Variants in TRHDE observed in about 807,000 individuals in gnomAD.
TRHDE encodes the protein thyrotropin-releasing hormone-degrading ectoenzyme.
Under a neutral mutation model 125.7 loss-of-function variants are expected in TRHDE, and 72 were observed. That is an observed-to-expected ratio of 0.57 (90% CI 0.47 to 0.70). TRHDE has a LOEUF of 0.70. TRHDE is among the 30% of genes least tolerant of loss of function. TRHDE has a pLI of 0.00. For missense variants in TRHDE, 1,110 were observed against 1,327.1 expected (o/e 0.84, Z 2.54); for synonymous variants, 509 against 509.1 (o/e 1.00, Z 0.00).
chr12:72,580,952 G>T (rs1871197463), intron 12 of TRHDE, among the ~76,000 whole-genome samples: 1 of 152,162 alleles, frequency 6.6e-6, no homozygotes, highest in Admixed American at 6.5e-5. Flanking sequence ...GGCCTAGGAA[G>T]ATTATGGAAA....
intron 15 of TRHDE, among the ~76,000 whole-genome samples, chr12:72,639,698 G>A (rs1592590236): frequency 6.6e-6 from 1 of 152,038 alleles, no homozygotes; most frequent in East Asian, 1.9e-4. Context: ...TGTCCTTTCT[G>A]TTTGTTAGTT....
At chr12:72,509,534 T>C (rs536438455) in intron 6 of TRHDE, among the ~76,000 whole-genome samples, 4 of 152,220 alleles carry the variant, frequency 2.6e-5, no homozygotes, top group African/African-American at 9.6e-5. Flanking sequence ...GTAGGAAAAA[T>C]GTTACTCCAC....
At chr12:72,628,564 G>T (rs1238815075) in intron 15 of TRHDE, among the ~76,000 whole-genome samples, 1 of 151,766 alleles carries the variant, frequency 6.6e-6, no homozygotes, top group Non-Finnish European at 1.5e-5. Context: ...GCTGAGAGGA[G>T]CAAAAATCCC....
intron 2 of TRHDE, among the ~76,000 whole-genome samples, chr12:72,342,600 A>G (rs1389872115): frequency 1.3e-5 from 2 of 152,166 alleles, no homozygotes; most frequent in African/African-American, 4.8e-5. Context: ...CAATGAATAA[A>G]GAGAAAAACA....
At chr12:72,601,487 G>T (rs1248631237) in intron 12 of TRHDE, among the ~76,000 whole-genome samples, 1 of 152,122 alleles carries the variant, frequency 6.6e-6, no homozygotes, top group Non-Finnish European at 1.5e-5. Context: ...AGTATGGTTT[G>T]AGAGGATTAA....
intron 10 of TRHDE, among the ~76,000 whole-genome samples, chr12:72,570,613 A>G (rs922219298): frequency 2.1e-5 from 3 of 145,618 alleles, no homozygotes; most frequent in African/African-American, 7.9e-5. Flanking sequence ...AAAGAGTAGT[A>G]TACCAGCTTT....
At chr12:72,553,808 GTCTCC>G (rs1869789297) in intron 7 of TRHDE, among the ~76,000 whole-genome samples, 1 of 135,618 alleles carries the variant, frequency 7.4e-6, no homozygotes, top group African/African-American at 2.8e-5. Flanking sequence ...CTTTCCTTTC[GTCTCC>G]TCTCCTCTCC....
At chr12:72,092,335 A>T (rs1359402556) in intron 1 of TRHDE, among the ~76,000 whole-genome samples, 1 of 152,228 alleles carries the variant, frequency 6.6e-6, no homozygotes, top group Non-Finnish European at 1.5e-5. Context: ...AGAAAGTCAC[A>T]TTATCAAAAC....
At chr12:72,371,152 G>T (rs1237679412) in intron 2 of TRHDE, among the ~76,000 whole-genome samples, 1 of 151,910 alleles carries the variant, frequency 6.6e-6, no homozygotes, top group Non-Finnish European at 1.5e-5. Flanking sequence ...CCTTAGTCTG[G>T]GATATCATCC....
chr12:72,304,141 C>T (rs779375986), intron 2 of TRHDE, among the ~76,000 whole-genome samples: 24 of 152,220 alleles, frequency 1.6e-4, no homozygotes, highest in South Asian at 4.1e-4. Context: ...AGACTAATTA[C>T]GCTCCCTTAA....
At chr12:72,489,374 T>G (rs1475174245) in intron 5 of TRHDE, among the ~76,000 whole-genome samples, 1 of 151,864 alleles carries the variant, frequency 6.6e-6, no homozygotes, top group Non-Finnish European at 1.5e-5. Context: ...ATAAATCACA[T>G]GCTCATGGAT....
chr12:72,456,609 T>C (rs929382880), intron 3 of TRHDE, among the ~76,000 whole-genome samples: 1 of 152,106 alleles, frequency 6.6e-6, no homozygotes, highest in African/African-American at 2.4e-5. Flanking sequence ...TTAACTGTGG[T>C]GGTAGGAAAA....
intron 3 of TRHDE, among the ~76,000 whole-genome samples, chr12:72,416,343 C>T (rs200537719): frequency 4.3e-4 from 66 of 151,946 alleles, no homozygotes; most frequent in Middle Eastern, 3.4e-3. Context: ...CCATTCTGTG[C>T]GTTGTCTCTT....
At chr12:72,526,320 A>C (rs1210981258) in intron 6 of TRHDE, among the ~76,000 whole-genome samples, 1 of 152,090 alleles carries the variant, frequency 6.6e-6, no homozygotes, top group Non-Finnish European at 1.5e-5. Flanking sequence ...TTTTCAGATA[A>C]TTTATTGCTA....
intron 6 of TRHDE, among the ~76,000 whole-genome samples, chr12:72,503,866 A>ATT (rs1878253419): frequency 6.6e-6 from 1 of 152,178 alleles, no homozygotes; most frequent in East Asian, 1.9e-4. Context: ...TGATTAGGAA[A>ATT]TAGATTATTA....
chr12:72,175,269 T>G (rs1876962597), intron 2 of TRHDE, among the ~76,000 whole-genome samples: 2 of 152,218 alleles, frequency 1.3e-5, no homozygotes, highest in African/African-American at 4.8e-5. Flanking sequence ...TGTGACTGAC[T>G]TTTTTCATTT....
intron 2 of TRHDE, among the ~76,000 whole-genome samples, chr12:72,316,360 A>G (rs974762116): frequency 1.3e-5 from 2 of 152,168 alleles, no homozygotes; most frequent in Non-Finnish European, 2.9e-5. Flanking sequence ...GCCTGGAAGC[A>G]ACATAGGGTA....
intron 12 of TRHDE, among the ~76,000 whole-genome samples, chr12:72,584,899 A>T (rs1871378217): frequency 6.6e-6 from 1 of 152,226 alleles, no homozygotes; most frequent in Admixed American, 6.5e-5. Context: ...ACAGTACTCT[A>T]AAAATATCAT....
At position 72,499,623 on chromosome 12, in the gene TRHDE, C is replaced by A; in HGVS notation, c.1710C>A (p.Ile570=). 6.2e-7 allele frequency: 1 copy of A among 1,612,614 alleles called. No individual in the cohort carries two copies. The highest frequency in any genetic ancestry group is 8.5e-7 in the Non-Finnish European group (1 of 1,179,370). ...ATDIDRVFDW[I]AYKKGAALIR... is the part of the protein sequence containing the mutation. Reference sequence around the variant, plus strand: ...ATATTGACAGGGTGTTTGACTGGATCGCATATAAAAAGGTGGGAATAAAGA... The same window carrying A: ...ATATTGACAGGGTGTTTGACTGGATAGCATATAAAAAGGTGGGAATAAAGA... The change falls in exon 6 of 19, where the codon ATC becomes ATA. Residue 570 remains isoleucine, a synonymous_variant. Coordinates refer to ENST00000261180, the MANE Select transcript of TRHDE (RefSeq NM_013381.3).
Sources: gnomAD v4.1 joint callset for allele counts (sites outside exome capture counted in the v4.1 genomes callset) on GRCh38, gnomAD v4.1.1 for gene constraint, MANE v1.5 for transcripts, NCBI Gene and HGNC (gene_info 2026-07-23, HGNC 2026-07-21) for gene names.